The following RPN2 variants were observed in gnomAD, a reference collection of about 807,000 sequenced individuals.
RPN2 encodes the protein ribophorin II.
RPN2 carries 29 observed loss-of-function variants against 71.4 expected under a neutral mutation model. The observed-to-expected ratio is 0.41, with a 90% CI of 0.30 to 0.55. RPN2 has a LOEUF of 0.55. Ranked by LOEUF, RPN2 falls within the 20% of genes least tolerant of loss-of-function variation. The pLI is 0.35. For synonymous variants in RPN2, 308 were observed against 305.0 expected (o/e 1.01, Z -0.10); for missense variants, 726 against 774.1 (o/e 0.94, Z 0.74).
intron 6 of RPN2, among the ~76,000 whole-genome samples, chr20:37,205,115 GC>G (rs2067484221): frequency 6.6e-6 from 1 of 152,102 alleles, no homozygotes; most frequent in Non-Finnish European, 1.5e-5. Flanking sequence ...AACAAACCAT[GC>G]TTGCTTTAAA....
intron 1 of RPN2, among the ~76,000 whole-genome samples, chr20:37,179,860 A>G (rs2066808001): frequency 6.6e-6 from 1 of 152,196 alleles, no homozygotes; most frequent in Non-Finnish European, 1.5e-5. Flanking sequence ...CTAGGTGCAA[A>G]CTTGCAGTCG....
At chr20:37,179,804 C>A (rs8115763) in intron 1 of RPN2, among the ~76,000 whole-genome samples, 42 of 152,172 alleles carry the variant, frequency 2.8e-4, no homozygotes, top group African/African-American at 1.0e-3. Flanking sequence ...AAAGAAAACC[C>A]TCACTTCTCT....
intron 2 of RPN2, among the ~76,000 whole-genome samples, chr20:37,195,882 G>T (rs1018675284): frequency 1.3e-5 from 2 of 151,998 alleles, no homozygotes; most frequent in African/African-American, 2.4e-5. Flanking sequence ...AAAACTTCTG[G>T]TTGAAACTCA....
intron 16 of RPN2, chr20:37,238,488 C>G: frequency 6.8e-7 from 1 of 1,479,884 alleles, no homozygotes; most frequent in Non-Finnish European, 9.4e-7. Context: ...AAGCAGGGTC[C>G]CTTCCCCGTC....
chr20:37,203,599 C>G (rs1373023972), intron 4 of RPN2, among the ~76,000 whole-genome samples: 1 of 152,176 alleles, frequency 6.6e-6, no homozygotes, highest in Non-Finnish European at 1.5e-5. Context: ...GCTTCAGACT[C>G]CCAAAATGCT....
intron 9 of RPN2, among the ~76,000 whole-genome samples, chr20:37,217,505 A>T (rs567084928): frequency 1.2e-4 from 18 of 151,546 alleles, no homozygotes; most frequent in African/African-American, 1.7e-4. Flanking sequence ...GTTGGCCAGG[A>T]TGGTCTTGAT....
intron 2 of RPN2, among the ~76,000 whole-genome samples, chr20:37,188,487 C>G (rs2067065869): frequency 6.6e-6 from 1 of 152,012 alleles, no homozygotes; most frequent in Admixed American, 6.6e-5. Context: ...TTCAAGGATC[C>G]CAGCCTTTGC....
chr20:37,234,891 C>A (rs963718089), intron 15 of RPN2, among the ~76,000 whole-genome samples: 2 of 152,062 alleles, frequency 1.3e-5, no homozygotes, highest in African/African-American at 4.8e-5. Flanking sequence ...GTGTTCAGAG[C>A]TGGTCTTGAA....
Position 37,213,766 on chromosome 20 carries a change from T to C in RPN2, c.993T>C (p.Val331=), listed in dbSNP as rs749705420. ...QKTSFTPVGD[V]FELNFMNVKF... ...CCATTGTCATTCTTAACAGGGATGT[T>C]TTTGAACTAAATTTCATGAACGTCA... The change falls in exon 9 of 17, where the codon GTT becomes GTC. Residue 331 remains valine, a synonymous_variant. Coordinates refer to ENST00000237530, the MANE Select transcript of RPN2 (RefSeq NM_002951.5). 2 of 1,613,374 alleles carry C rather than the reference T, an allele frequency of 1.2e-6. No homozygotes were observed. Among genetic ancestry groups the C allele is most frequent in the Non-Finnish European group, 1.7e-6 (2 of 1,179,308 alleles).
intron 13 of RPN2, 114 bp downstream of exon 13, chr20:37,230,173 A>C: frequency 3.4e-6 from 3 of 874,980 alleles, no homozygotes; most frequent in Non-Finnish European, 5.8e-6. Context: ...TTTGATCCTC[A>C]CACCCTGTGG....
chr20:37,210,377 A>G (rs184614208), intron 8 of RPN2, among the ~76,000 whole-genome samples: 2 of 152,248 alleles, frequency 1.3e-5, no homozygotes, highest in East Asian at 3.9e-4. Context: ...CTGTCTTGTC[A>G]TTGTGACATA....
At chr20:37,234,717 G>A (rs1600848917) in intron 15 of RPN2, among the ~76,000 whole-genome samples, 1 of 144,302 alleles carries the variant, frequency 6.9e-6, no homozygotes, top group East Asian at 2.0e-4. Flanking sequence ...GTCTTACTCT[G>A]TCACCCAGGC....
chr20:37,180,618 G>A (rs1282841768), intron 1 of RPN2, among the ~76,000 whole-genome samples: 1 of 152,172 alleles, frequency 6.6e-6, no homozygotes, highest in African/African-American at 2.4e-5. Context: ...ACCCGCCTGT[G>A]CACAAGGCAT....
At chr20:37,241,001 G>A (rs938454933) in intron 16 of RPN2, among the ~76,000 whole-genome samples, 6 of 152,200 alleles carry the variant, frequency 3.9e-5, no homozygotes, top group Admixed American at 3.9e-4. Flanking sequence ...ACTGTGAGAG[G>A]TGTGCCTGGA....
At chr20:37,207,186 A>G in intron 6 of RPN2, 87 bp from the exon 7 acceptor site, 1 of 1,070,116 alleles carries the variant, frequency 9.3e-7, no homozygotes, top group Non-Finnish European at 1.5e-6. Flanking sequence ...CACCCGAAAC[A>G]GATAAGGGTG....
chr20:37,210,145 G>C lies in RPN2; in HGVS notation c.966G>C (p.Lys322Asn). The C allele has an allele frequency of 6.2e-7, 1 of 1,614,060 alleles. No homozygotes were observed. The highest frequency in any genetic ancestry group is 1.1e-5 in the South Asian group (1 of 91,084). ...SVASRATVLQKTSFTPVGDVF... is the reference protein window; with the variant it reads ...SVASRATVLQNTSFTPVGDVF... ...CTTCCAGAGCCACTGTCCTCCAGAA[G>C]ACATCCTTCACCCCTGTAGGGTAAG... is the stretch of plus-strand genomic sequence containing the variant. Residue 322 changes from lysine (K) to asparagine (N), a missense_variant, in exon 8 of 17, where the codon AAG becomes AAC. By Grantham distance (94) the Lys-to-Asn change is moderately conservative. Coordinates refer to ENST00000237530, the MANE Select transcript of RPN2 (RefSeq NM_002951.5).
At chr20:37,194,747 G>T (rs994885268) in intron 2 of RPN2, among the ~76,000 whole-genome samples, 2 of 152,200 alleles carry the variant, frequency 1.3e-5, no homozygotes, top group East Asian at 3.9e-4. Context: ...GTGGGGAAGT[G>T]CAGTAGGAAG....
intron 4 of RPN2, among the ~76,000 whole-genome samples, chr20:37,203,625 AGCCACTGCGCC>A (rs1319206572): frequency 2.0e-5 from 3 of 152,182 alleles, no homozygotes. Flanking sequence ...TACGGGCGTG[AGCCACTGCGCC>A]CAGCCCAATG....
intron 16 of RPN2, chr20:37,238,777 A>T (rs1240439609): frequency 1.7e-6 from 1 of 592,230 alleles, no homozygotes. Context: ...TGTTTCCAGG[A>T]CAGCTGAGAT....
Sources: allele counts gnomAD v4.1 joint callset (sites outside exome capture counted in the v4.1 genomes callset), GRCh38; gene constraint gnomAD v4.1.1; transcripts MANE v1.5; gene names NCBI Gene and HGNC (gene_info 2026-07-23, HGNC 2026-07-21).